Variants in MGAT4C observed in about 807,000 individuals in gnomAD.
MGAT4C encodes MGAT4 family member C, also known as alpha-1,3-mannosyl-glycoprotein 4-beta-N-acetylglucosaminyltransferase C.
Under a neutral mutation model 40.1 loss-of-function variants are expected in MGAT4C, and 19 were observed. The observed-to-expected ratio is 0.47, with a 90% CI of 0.33 to 0.70. The LOEUF (loss-of-function observed/expected upper bound fraction) is 0.70, where lower values mean the gene tolerates loss of function less well. Among genes scored for constraint, MGAT4C ranks in the 30% least tolerant of loss-of-function variants. The pLI is 0.02. For synonymous variants in MGAT4C, 181 were observed against 187.1 expected, an observed-to-expected ratio of 0.97 and a Z score of 0.27; for missense variants, 491 against 563.2, an observed-to-expected ratio of 0.87 and a Z score of 1.30.
chr12:86,356,781 T>C (rs201174003), intron 3 of MGAT4C, among the ~76,000 whole-genome samples: 2 of 143,368 alleles, frequency 1.4e-5, no homozygotes, highest in African/African-American at 5.1e-5. Context: ...GGGAGAGGGG[T>C]TGGCCATTGC....
chr12:86,143,180 G>A (rs1027150896), intron 1 of MGAT4C, among the ~76,000 whole-genome samples: 2 of 152,154 alleles, frequency 1.3e-5, no homozygotes, highest in African/African-American at 4.8e-5. Context: ...TGAATCCCAT[G>A]CCTGAGGGGG....
At chr12:86,791,625 A>G (rs1952023717) in intron 1 of MGAT4C, among the ~76,000 whole-genome samples, 1 of 151,950 alleles carries the variant, frequency 6.6e-6, no homozygotes, top group African/African-American at 2.4e-5. Context: ...TTCTCCCTAC[A>G]TTTTTTGACC....
At chr12:86,546,867 T>C (rs541749430) in intron 2 of MGAT4C, among the ~76,000 whole-genome samples, 9 of 152,116 alleles carry the variant, frequency 5.9e-5, no homozygotes, top group African/African-American at 2.2e-4. Flanking sequence ...AAAAGCGTCA[T>C]GGTAAAAACA....
chr12:86,237,463 A>T (rs915908732), intron 1 of MGAT4C, among the ~76,000 whole-genome samples: 1 of 151,930 alleles, frequency 6.6e-6, no homozygotes, highest in East Asian at 1.9e-4. Flanking sequence ...AATATTAGAC[A>T]TACAATACAG....
At chr12:86,144,622 T>C (rs1268923565) in intron 1 of MGAT4C, among the ~76,000 whole-genome samples, 2 of 152,156 alleles carry the variant, frequency 1.3e-5, no homozygotes, top group African/African-American at 4.8e-5. Context: ...TTTATCAGGA[T>C]CTCAGTATTA....
intron 1 of MGAT4C, among the ~76,000 whole-genome samples, chr12:86,108,224 T>C (rs565780338): frequency 1.3e-5 from 2 of 152,168 alleles, no homozygotes; most frequent in South Asian, 4.2e-4. Flanking sequence ...CCTCTTCCTT[T>C]GGCATTTAGA....
At chr12:86,661,384 A>G (rs1224330030) in intron 2 of MGAT4C, among the ~76,000 whole-genome samples, 1 of 152,058 alleles carries the variant, frequency 6.6e-6, no homozygotes, top group African/African-American at 2.4e-5. Flanking sequence ...AAATATTACA[A>G]TAAATAAGAT....
intron 2 of MGAT4C, among the ~76,000 whole-genome samples, chr12:86,548,325 T>C (rs1384232108): frequency 6.6e-6 from 1 of 152,100 alleles, no homozygotes; most frequent in Admixed American, 6.6e-5. Flanking sequence ...CATTTAATAT[T>C]TGAGAACTTA....
At chr12:86,776,626 T>C (rs953065735) in intron 1 of MGAT4C, among the ~76,000 whole-genome samples, 1 of 152,062 alleles carries the variant, frequency 6.6e-6, no homozygotes. Context: ...CTGTACTAAA[T>C]AGAATTATAC....
intron 2 of MGAT4C, among the ~76,000 whole-genome samples, chr12:86,505,396 T>C (rs958026217): frequency 1.3e-5 from 2 of 152,164 alleles, no homozygotes; most frequent in Non-Finnish European, 2.9e-5. Flanking sequence ...TAATTTAACA[T>C]CCAATTTCCA....
chr12:86,538,105 TA>T (rs760919874), intron 2 of MGAT4C, among the ~76,000 whole-genome samples: 10 of 151,724 alleles, frequency 6.6e-5, no homozygotes, highest in Non-Finnish European at 1.2e-4. Flanking sequence ...AATAAACAAA[TA>T]AATAAATAAT....
At position 86,032,271 on chromosome 12, in the gene MGAT4C, T is replaced by C. The variant is rs112014787; in HGVS notation, c.-7+17403A>G. ...AATGATTTATTTTCCTTTGAGTATA[T>C]ACCAAATAATAGGATTGCTGGGTTG... On this transcript the variant is annotated intron_variant, in intron 2 of 4. Transcript: ENST00000611864. Among the ~76,000 whole-genome samples, 542 of 152,152 alleles carry C rather than the reference T, an allele frequency of 3.6e-3. 3 individuals carry two copies. The highest frequency in any genetic ancestry group is 0.012 in the African/African-American group (519 of 41,550).
intron 2 of MGAT4C, among the ~76,000 whole-genome samples, chr12:86,024,454 T>C (rs925428815): frequency 6.6e-6 from 1 of 151,864 alleles, no homozygotes; most frequent in African/African-American, 2.4e-5. Context: ...CTTCTAAGCC[T>C]AACAGGGTTT....
intron 2 of MGAT4C, among the ~76,000 whole-genome samples, chr12:86,701,160 G>C (rs1198266214): frequency 6.6e-6 from 1 of 151,726 alleles, no homozygotes; most frequent in African/African-American, 2.4e-5. Context: ...TTCAACTAAT[G>C]ATTAAATAAA....
intron 1 of MGAT4C, among the ~76,000 whole-genome samples, chr12:86,246,010 A>C (rs1952009541): frequency 6.6e-6 from 1 of 152,070 alleles, no homozygotes; most frequent in Non-Finnish European, 1.5e-5. Flanking sequence ...TTAATTGTAC[A>C]TTCATATTTA....
At chr12:86,253,289 T>C (rs896355122) in intron 1 of MGAT4C, among the ~76,000 whole-genome samples, 1 of 151,766 alleles carries the variant, frequency 6.6e-6, no homozygotes, top group Admixed American at 6.6e-5. Flanking sequence ...ACGAAGTAGA[T>C]ACTCAAGAGA....
intron 1 of MGAT4C, among the ~76,000 whole-genome samples, chr12:86,164,528 T>C (rs17357212): frequency 0.018 from 2,736 of 152,300 alleles, 38 homozygotes; most frequent in South Asian, 0.034. Flanking sequence ...ATTAATCAAC[T>C]AGTCACTAAA....
intron 2 of MGAT4C, among the ~76,000 whole-genome samples, chr12:86,608,440 G>T (rs1962122243): frequency 6.6e-6 from 1 of 151,856 alleles, no homozygotes; most frequent in Non-Finnish European, 1.5e-5. Flanking sequence ...AAATAACAAG[G>T]CATGGTGGTG....
chr12:86,587,190 C>A (rs1209662515), intron 2 of MGAT4C, among the ~76,000 whole-genome samples: 3 of 151,862 alleles, frequency 2.0e-5, no homozygotes, highest in South Asian at 2.1e-4. Flanking sequence ...GTTTTCCCAG[C>A]ACCATTTATT....
Sources: allele counts gnomAD v4.1 joint callset (sites outside exome capture counted in the v4.1 genomes callset), GRCh38; gene constraint gnomAD v4.1.1; transcripts MANE v1.5; gene names NCBI Gene and HGNC (gene_info 2026-07-23, HGNC 2026-07-21).